The following TBC1D14 variants were observed in gnomAD, a reference collection of about 807,000 sequenced individuals.
TBC1D14 encodes the protein TBC1 domain family member 14, also known as TBC1 domain family, member 14.
A neutral mutation model predicts 79.0 loss-of-function variants in TBC1D14; 26 were observed. The observed-to-expected ratio is 0.33, with a 90% confidence interval of 0.24 to 0.46. TBC1D14 has a LOEUF of 0.46. Among genes scored for constraint, TBC1D14 ranks in the 20% least tolerant of loss-of-function variants. The pLI, the probability that TBC1D14 is intolerant of heterozygous loss-of-function variation, is 1.00. For missense variants in TBC1D14, 769 were observed against 887.6 expected, an observed-to-expected ratio of 0.87 and a Z score of 1.70; for synonymous variants, 394 against 349.9, an observed-to-expected ratio of 1.13 and a Z score of -1.40.
At chr4:6,958,573 G>A (rs1305034789) in intron 2 of TBC1D14, among the ~76,000 whole-genome samples, 1 of 152,080 alleles carries the variant, frequency 6.6e-6, no homozygotes, top group Non-Finnish European at 1.5e-5. Flanking sequence ...GAGACCATAG[G>A]TGTGCACTAC....
intron 2 of TBC1D14, among the ~76,000 whole-genome samples, chr4:6,944,502 C>G (rs1713234689): frequency 6.6e-6 from 1 of 152,206 alleles, no homozygotes; most frequent in African/African-American, 2.4e-5. Flanking sequence ...CCTGTCAGCT[C>G]TGGCCTGTCC....
At chr4:6,972,217 G>A (rs1460547892) in intron 3 of TBC1D14, among the ~76,000 whole-genome samples, 1 of 152,168 alleles carries the variant, frequency 6.6e-6, no homozygotes, top group Non-Finnish European at 1.5e-5. Context: ...CCTTGCCTTC[G>A]TTGGAATTTA....
Position 6,912,359 on chromosome 4 carries a change from A to G in TBC1D14, c.-18+2408A>G, listed in dbSNP as rs186544969. On this transcript the variant is annotated intron_variant, in intron 1 of 13. Transcript: ENST00000409757. Reference sequence around the variant, plus strand: ...CTCACCACTGCACTCCATCCTGGTGACAGAGCTAGACTCCGTCTCAAAAAA... The same window carrying G: ...CTCACCACTGCACTCCATCCTGGTGGCAGAGCTAGACTCCGTCTCAAAAAA... Among the ~76,000 whole-genome samples, 14 of 152,320 alleles carry G rather than the reference A, an allele frequency of 9.2e-5. No individual in the cohort carries two copies. The East Asian group carries it at 1.9e-3, about 21-fold the overall frequency.
intron 7 of TBC1D14, 179 bp downstream of exon 7, chr4:7,001,430 A>C (rs1026402769): frequency 1.7e-6 from 1 of 578,938 alleles, no homozygotes; most frequent in Non-Finnish European, 3.1e-6. Flanking sequence ...AGTGCTGTGC[A>C]CTCCGGTTAC....
At chr4:7,012,749 A>G (rs1720901830) in intron 11 of TBC1D14, among the ~76,000 whole-genome samples, 1 of 152,218 alleles carries the variant, frequency 6.6e-6, no homozygotes, top group African/African-American at 2.4e-5. Flanking sequence ...TGATGGATTA[A>G]TAGTGTTTAT....
At chr4:6,927,215 T>C (rs1402676479) in intron 2 of TBC1D14, among the ~76,000 whole-genome samples, 2 of 151,880 alleles carry the variant, frequency 1.3e-5, no homozygotes, top group East Asian at 1.9e-4. Flanking sequence ...CCTCCCCTTA[T>C]GGCGCTCATA....
At chr4:6,999,568 C>T (rs542461489) in intron 6 of TBC1D14, among the ~76,000 whole-genome samples, 23 of 152,100 alleles carry the variant, frequency 1.5e-4, no homozygotes, top group African/African-American at 4.6e-4. Flanking sequence ...GCCTCACCCT[C>T]GGATGCCTCT....
At chr4:6,975,616 G>A (rs918635194) in intron 3 of TBC1D14, among the ~76,000 whole-genome samples, 1 of 152,150 alleles carries the variant, frequency 6.6e-6, no homozygotes, top group African/African-American at 2.4e-5. Context: ...CAACAAGTAA[G>A]GGTGCACACT....
intron 3 of TBC1D14, among the ~76,000 whole-genome samples, chr4:6,971,452 C>T (rs2109061992): frequency 6.6e-6 from 1 of 152,322 alleles, no homozygotes; most frequent in African/African-American, 2.4e-5. Flanking sequence ...GGGCTGCATT[C>T]TTTTGGCTTG....
At chr4:7,021,528 TC>T (rs1448705799) in intron 12 of TBC1D14, among the ~76,000 whole-genome samples, 3 of 152,094 alleles carry the variant, frequency 2.0e-5, no homozygotes, top group African/African-American at 7.2e-5. Context: ...GCCCAGGAGG[TC>T]TAGGTTGCAG....
At position 6,923,599 on chromosome 4, in the gene TBC1D14, C is replaced by G. The variant is rs200312732; in HGVS notation, c.210C>G (p.Thr70=). ...SLQSVDSGIP[T]LEIGNPEPVP... ...AGTCCGTGGACTCGGGGATTCCTAC[C>G]CTGGAGATCGGGAACCCGGAGCCTG... Residue 70 remains threonine (T), a synonymous_variant, in exon 2 of 14, where the codon ACC becomes ACG. Transcript: ENST00000409757. 1.2e-6 allele frequency: 2 copies of G among 1,614,058 alleles called. No homozygotes were observed. Among genetic ancestry groups the G allele is most frequent in the East Asian group, 2.2e-5 (1 of 44,878 alleles).
At chr4:6,965,614 T>C (rs1715634345) in intron 2 of TBC1D14, among the ~76,000 whole-genome samples, 1 of 152,178 alleles carries the variant, frequency 6.6e-6, no homozygotes, top group African/African-American at 2.4e-5. Flanking sequence ...TAATCATAGC[T>C]CACTGTAACC....
At chr4:6,932,004 A>G (rs942442210) in intron 2 of TBC1D14, among the ~76,000 whole-genome samples, 2 of 151,982 alleles carry the variant, frequency 1.3e-5, no homozygotes, top group African/African-American at 4.8e-5. Flanking sequence ...AGCGGAGAAG[A>G]CAAGTTACAC....
intron 3 of TBC1D14, chr4:6,987,442 C>A: frequency 8.3e-7 from 1 of 1,202,070 alleles, no homozygotes; most frequent in African/African-American, 1.6e-5. Flanking sequence ...AGCCCTGCGG[C>A]CCCGCGCAGG....
chr4:7,026,325 C>T (rs983859493), intron 13 of TBC1D14, among the ~76,000 whole-genome samples: 3 of 152,164 alleles, frequency 2.0e-5, no homozygotes, highest in Non-Finnish European at 4.4e-5. Flanking sequence ...TCCCAGGCAC[C>T]GTGTCACCTG....
chr4:6,928,403 C>T (rs1049216172), intron 2 of TBC1D14, among the ~76,000 whole-genome samples: 2 of 152,232 alleles, frequency 1.3e-5, no homozygotes, highest in Non-Finnish European at 2.9e-5. Context: ...TGGTTGAGAG[C>T]AGGGGCTGCT....
rs138547898 is a variant in TBC1D14 at position 6,929,852 on chromosome 4, C to CAG, written c.722+5742_722+5743dup. ...CCTGTTCTGAGCTCAGCTTCTGGGC[C>CAG]AGGCACTTCTGTCGCTTTCTAAAGC... On this transcript the variant is annotated intron_variant, in intron 2 of 13. Coordinates refer to ENST00000409757, the MANE Select transcript of TBC1D14 (RefSeq NM_020773.3). Among the ~76,000 whole-genome samples, 1,046 of 152,302 alleles carry CAG rather than the reference C, an allele frequency of 6.9e-3. 4 individuals carry two copies. The highest frequency in any genetic ancestry group is 0.017 in the South Asian group (82 of 4,824).
At chr4:6,998,694 A>C (rs10002398) in intron 5 of TBC1D14, 1,965 of 191,130 alleles carry the variant, frequency 0.01, 42 homozygotes, top group African/African-American at 0.043. Flanking sequence ...CCCTGCCATC[A>C]TGCCCAGCTA....
intron 2 of TBC1D14, among the ~76,000 whole-genome samples, chr4:6,949,626 T>C (rs900739999): frequency 4.1e-4 from 61 of 148,520 alleles, no homozygotes; most frequent in African/African-American, 1.3e-3. Context: ...GAGTTTGCAG[T>C]GAGCTGAGAT....
Sources: gnomAD v4.1 joint callset for allele counts (sites outside exome capture counted in the v4.1 genomes callset) on GRCh38, gnomAD v4.1.1 for gene constraint, MANE v1.5 for transcripts, NCBI Gene and HGNC (gene_info 2026-07-23, HGNC 2026-07-21) for gene names.